KLHL24: variants seen among roughly 807,000 people sequenced by gnomAD.
The protein encoded by KLHL24 is kelch-like protein 24.
In KLHL24, 29 loss-of-function variants were observed where a neutral mutation model predicts 53.4. The observed-to-expected ratio is 0.54, with a 90% confidence interval of 0.40 to 0.74. KLHL24 has a LOEUF of 0.74. Among genes scored for constraint, KLHL24 ranks in the 30% least tolerant of loss-of-function variants. KLHL24 has a pLI of 0.00. For synonymous variants in KLHL24, 222 were observed against 253.7 expected, an observed-to-expected ratio of 0.88 and a Z score of 1.19; for missense variants, 504 against 744.0, an observed-to-expected ratio of 0.68 and a Z score of 3.75.
intron 2 of KLHL24, among the ~76,000 whole-genome samples, chr3:183,646,147 T>C (rs1195975108): frequency 6.6e-6 from 1 of 151,438 alleles, no homozygotes; most frequent in Non-Finnish European, 1.5e-5. Flanking sequence ...GATGGACCAC[T>C]TGAGGTCAGT....
intron 5 of KLHL24, among the ~76,000 whole-genome samples, chr3:183,666,929 C>T (rs1018094848): frequency 6.6e-5 from 10 of 152,098 alleles, no homozygotes; most frequent in Non-Finnish European, 7.3e-5. Context: ...CACTTGCTTT[C>T]GCATATGTCT....
At chr3:183,656,828 A>C (rs544630654) in intron 3 of KLHL24, among the ~76,000 whole-genome samples, 30 of 151,176 alleles carry the variant, frequency 2.0e-4, no homozygotes, top group Non-Finnish European at 3.5e-4. Context: ...GGGAGGCAAG[A>C]GGCGGGAGGA....
In KLHL24 at chr3:183,663,536, G is replaced by C. The variant is rs1177906264; in HGVS notation, c.999G>C (p.Glu333Asp). ...GAGGATTTAATCTTCCATACACTGA[G>C]TGCTACGATCCTGTAACAGGAGAAT... ...RVGGFNLPYTECYDPVTGEWK... is the reference protein window; with the variant it reads ...RVGGFNLPYTDCYDPVTGEWK... Residue 333 changes from glutamate to aspartate, a missense_variant, in exon 4 of 8, where the codon GAG becomes GAC. By Grantham distance (45) the Glu-to-Asp change is conservative. Transcript: ENST00000242810. The surrounding 1 kb of genome is among the most constrained non-coding windows in gnomAD (Gnocchi z 4.9). 2 of 1,609,370 alleles carry C rather than the reference G, an allele frequency of 1.2e-6. No individual in the cohort carries two copies. The highest frequency in any genetic ancestry group is 2.7e-5 in the African/African-American group (2 of 74,798).
intron 6 of KLHL24, among the ~76,000 whole-genome samples, chr3:183,671,860 T>G (rs1721377057): frequency 6.6e-6 from 1 of 152,242 alleles, no homozygotes; most frequent in Admixed American, 6.5e-5. Context: ...AAATGTTACT[T>G]ATTTAGAATT....
chr3:183,659,624 A>G (rs184134831), intron 3 of KLHL24, among the ~76,000 whole-genome samples: 1 of 152,356 alleles, frequency 6.6e-6, no homozygotes, highest in Admixed American at 6.5e-5. Context: ...GGCTACTAAA[A>G]AGCTATCAGA....
chr3:183,666,559 G>C (rs1720593551), intron 5 of KLHL24, among the ~76,000 whole-genome samples: 1 of 152,084 alleles, frequency 6.6e-6, no homozygotes, highest in African/African-American at 2.4e-5. Context: ...ACTGCACTGG[G>C]CCAAATATTT....
intron 3 of KLHL24, among the ~76,000 whole-genome samples, chr3:183,652,074 G>A (rs1241523766): frequency 6.6e-6 from 1 of 152,084 alleles, no homozygotes. Flanking sequence ...GTAAAATCCA[G>A]GCCTCAAATA....
At chr3:183,636,495 C>G (rs1245594767) in intron 1 of KLHL24, 1 of 152,218 alleles carries the variant, frequency 6.6e-6, no homozygotes, top group Non-Finnish European at 1.5e-5. Flanking sequence ...AGCGGGCGTT[C>G]CGCCGGCGCA....
chr3:183,676,770 A>G (rs1294436736), intron 7 of KLHL24, among the ~76,000 whole-genome samples: 1 of 152,156 alleles, frequency 6.6e-6, no homozygotes, highest in Non-Finnish European at 1.5e-5. Flanking sequence ...AGTGATGAAG[A>G]CTTTTTTTCT....
At chr3:183,675,935 A>G (rs1489142606) in intron 7 of KLHL24, among the ~76,000 whole-genome samples, 2 of 152,214 alleles carry the variant, frequency 1.3e-5, no homozygotes, top group African/African-American at 4.8e-5. Context: ...GATAAAACTG[A>G]GAAAAAAATT....
At chr3:183,667,566 C>T (rs1720748236) in intron 5 of KLHL24, among the ~76,000 whole-genome samples, 1 of 152,076 alleles carries the variant, frequency 6.6e-6, no homozygotes, top group Non-Finnish European at 1.5e-5. Context: ...TGAGGTGGAA[C>T]AGTTACATCC....
At chr3:183,644,316 G>A (rs1716924665) in intron 2 of KLHL24, 3 of 152,100 alleles carry the variant, frequency 2.0e-5, no homozygotes, top group Admixed American at 1.3e-4. Context: ...CATTCTGAAT[G>A]CATCTCACAC....
intron 2 of KLHL24, among the ~76,000 whole-genome samples, chr3:183,645,603 G>C (rs1052978353): frequency 6.6e-6 from 1 of 152,012 alleles, no homozygotes; most frequent in African/African-American, 2.4e-5. Flanking sequence ...TTTTTAGTTA[G>C]TGATAATAAA....
At chr3:183,636,388 C>T (rs906148841) in intron 1 of KLHL24, 1 of 152,194 alleles carries the variant, frequency 6.6e-6, no homozygotes, top group African/African-American at 2.4e-5. Flanking sequence ...GTCACCTGAC[C>T]GTTACCCCCG....
intron 2 of KLHL24, among the ~76,000 whole-genome samples, chr3:183,646,959 G>A (rs1271385807): frequency 6.8e-6 from 1 of 147,776 alleles, no homozygotes; most frequent in Non-Finnish European, 1.5e-5. Context: ...ACAGGCGCCT[G>A]CCACCACGCC....
chr3:183,646,055 GT>G (rs71185669), intron 2 of KLHL24, among the ~76,000 whole-genome samples: 17 of 145,382 alleles, frequency 1.2e-4, no homozygotes, highest in Non-Finnish European at 9.2e-5. Flanking sequence ...TTTTTGTTTT[GT>G]TTTTTTTTTA....
rs1462849433 is a variant in KLHL24 at position 183,637,884 on chromosome 3, C to A, written c.-125+2091C>A. ...ATGTTGGCCAGGCTAGTCTTGAACTCCTGACCTCAGGTGATCCGCCCGCCT... is the reference window on the plus strand; with the variant it reads ...ATGTTGGCCAGGCTAGTCTTGAACTACTGACCTCAGGTGATCCGCCCGCCT... On this transcript the variant is annotated intron_variant, in intron 1 of 7. Coordinates refer to ENST00000242810, the MANE Select transcript of KLHL24 (RefSeq NM_017644.3). Among the ~76,000 whole-genome samples the A allele has an allele frequency of 4.6e-5, 7 of 152,222 alleles. 1 individual carries two copies. The South Asian group carries it at 1.4e-3, about 32-fold the overall frequency.
At chr3:183,660,077 T>C (rs911239903) in intron 3 of KLHL24, among the ~76,000 whole-genome samples, 5 of 151,642 alleles carry the variant, frequency 3.3e-5, no homozygotes, top group Non-Finnish European at 5.9e-5. Flanking sequence ...ATTAACAAAT[T>C]AGCAAATTTT....
intron 5 of KLHL24, among the ~76,000 whole-genome samples, chr3:183,667,903 A>G (rs760757452): frequency 2.2e-4 from 33 of 151,566 alleles, no homozygotes; most frequent in Non-Finnish European, 4.1e-4. Context: ...TGTGGAGATA[A>G]TGTTTTATCC....
Sources: allele counts gnomAD v4.1 joint callset (sites outside exome capture counted in the v4.1 genomes callset), GRCh38; gene constraint gnomAD v4.1.1; non-coding constraint Gnocchi (gnomAD v3.1); transcripts MANE v1.5; gene names NCBI Gene and HGNC (gene_info 2026-07-23, HGNC 2026-07-21).